NXN: variants seen among roughly 807,000 people sequenced by gnomAD.
NXN encodes nucleoredoxin.
NXN carries 16 observed loss-of-function variants against 48.6 expected under a neutral mutation model. The observed-to-expected ratio is 0.33, with a 90% CI of 0.22 to 0.50. The LOEUF (loss-of-function observed/expected upper bound fraction) is 0.50. Ranked by LOEUF, NXN falls within the 20% of genes least tolerant of loss-of-function variation. The pLI, the probability that NXN is intolerant of heterozygous loss-of-function variation, is 0.98. For synonymous variants in NXN, 281 were observed against 269.6 expected, an observed-to-expected ratio of 1.04 and a Z score of -0.41; for missense variants, 492 against 605.5, an observed-to-expected ratio of 0.81 and a Z score of 1.97.
intron 1 of NXN, among the ~76,000 whole-genome samples, chr17:839,249 A>G (rs532194766): frequency 6.6e-6 from 1 of 152,078 alleles, no homozygotes; most frequent in South Asian, 2.1e-4. Context: ...AGTGTGGCCA[A>G]CATGGTGAAA....
chr17:941,974 C>T (rs368789014), intron 1 of NXN, among the ~76,000 whole-genome samples: 11 of 43,098 alleles, frequency 2.6e-4, no homozygotes, highest in East Asian at 1.7e-3. Flanking sequence ...CCAAACACCT[C>T]CCTGGATTTC....
intron 1 of NXN, among the ~76,000 whole-genome samples, chr17:947,656 G>A (rs1390963370): frequency 6.8e-6 from 1 of 147,380 alleles, no homozygotes; most frequent in African/African-American, 2.5e-5. Flanking sequence ...CTGCTTGAAC[G>A]CAGGAGGCAG....
chr17:870,665 G>T (rs1018572808), intron 1 of NXN, among the ~76,000 whole-genome samples: 2 of 151,930 alleles, frequency 1.3e-5, no homozygotes, highest in Admixed American at 1.3e-4. Flanking sequence ...TGAGGTGGGA[G>T]GACTGGTTAA....
chr17:807,894 C>T (rs989926142), intron 5 of NXN, among the ~76,000 whole-genome samples: 5 of 152,224 alleles, frequency 3.3e-5, no homozygotes, highest in African/African-American at 7.2e-5. Flanking sequence ...GTGCTAGGCA[C>T]GGCACAGATG....
Position 800,546 on chromosome 17 carries a change from G to A in NXN, c.*403C>T, listed in dbSNP as rs539206825. 7 of 156,652 alleles carry A rather than the reference G, an allele frequency of 4.5e-5. No individual in the cohort carries two copies. The highest frequency in any genetic ancestry group is 3.7e-4 in the East Asian group (2 of 5,362). The allele number at this position is 156,652 out of a possible 1,614,324, so 9.7% of individuals were successfully genotyped here. A position where few individuals can be genotyped will look rare whatever the true frequency, so the allele number is the denominator to read the frequency against. On this transcript the variant is annotated 3_prime_UTR_variant, in exon 8 of 8. Coordinates refer to ENST00000336868, the MANE Select transcript of NXN (RefSeq NM_022463.5). Reference sequence around the variant, plus strand: ...CTCAGCCTCCACGCAGGTGTCACCCGGCGGTTCCCCTCTGGCCGTCCGGGG... The same window carrying A: ...CTCAGCCTCCACGCAGGTGTCACCCAGCGGTTCCCCTCTGGCCGTCCGGGG...
At chr17:886,831 T>A (rs2068353908) in intron 1 of NXN, among the ~76,000 whole-genome samples, 3 of 152,104 alleles carry the variant, frequency 2.0e-5, no homozygotes, top group African/African-American at 7.2e-5. Context: ...ATGGTTTGAA[T>A]TCCAACCTAA....
chr17:913,931 G>A (rs1189334984), intron 1 of NXN, among the ~76,000 whole-genome samples: 7 of 151,804 alleles, frequency 4.6e-5, no homozygotes, highest in South Asian at 2.1e-4. Context: ...ACAGAGTCTC[G>A]CCCTGTCGCC....
intron 1 of NXN, among the ~76,000 whole-genome samples, chr17:837,313 G>T (rs1420806973): frequency 6.6e-6 from 1 of 152,142 alleles, no homozygotes. Context: ...GCAGGACCTT[G>T]TCCTCATATC....
At position 813,826 on chromosome 17, in the gene NXN, C is replaced by T. The variant is rs151055992; in HGVS notation, c.820+5613G>A. 6.0e-3 allele frequency among the ~76,000 whole-genome samples: 916 copies of T among 151,926 alleles called. 12 individuals carry two copies. The highest frequency in any genetic ancestry group is 0.021 in the African/African-American group (853 of 41,446). On this transcript the variant is annotated intron_variant, in intron 5 of 7. Transcript: ENST00000336868. ...ACTAAAAATACAAAAATTAGCTGGG[C>T]GTAGTGGCAGGTGCCTATAATCCCA...
At chr17:905,270 T>TATATATATATACATAG (rs1488360942) in intron 1 of NXN, 1 of 149,384 alleles carries the variant, frequency 6.7e-6, no homozygotes, top group Non-Finnish European at 1.5e-5. Flanking sequence ...TATATATATA[T>TATATATATATACATAG]ATAGATGCCG....
chr17:805,391 A>G, intron 5 of NXN, 144 bp from the exon 6 acceptor site: 1 of 880,360 alleles, frequency 1.1e-6, no homozygotes, highest in Non-Finnish European at 1.7e-6. Flanking sequence ...TGAAGAGGCC[A>G]GGTCTAAAGT....
chr17:976,472 T>TA (rs1426799713), intron 1 of NXN, among the ~76,000 whole-genome samples: 1 of 152,212 alleles, frequency 6.6e-6, no homozygotes, highest in East Asian at 1.9e-4. Context: ...AATGAGAATT[T>TA]AAAAAAAATT....
At chr17:863,445 G>A (rs915590297) in intron 1 of NXN, among the ~76,000 whole-genome samples, 2 of 152,102 alleles carry the variant, frequency 1.3e-5, no homozygotes, top group Non-Finnish European at 2.9e-5. Context: ...GGGATTACAG[G>A]TGTGAGCCAC....
intron 1 of NXN, among the ~76,000 whole-genome samples, chr17:879,679 C>A (rs1284687479): frequency 1.3e-5 from 2 of 152,176 alleles, no homozygotes; most frequent in Admixed American, 1.3e-4. Flanking sequence ...GCGTCCAACA[C>A]AAAGGCCTCT....
intron 1 of NXN, among the ~76,000 whole-genome samples, chr17:948,145 T>A (rs2069066867): frequency 6.6e-6 from 1 of 152,134 alleles, no homozygotes; most frequent in South Asian, 2.1e-4. Context: ...AACGACTATT[T>A]ACATAGCAAT....
At chr17:916,923 G>C (rs1358000358) in intron 1 of NXN, among the ~76,000 whole-genome samples, 1 of 152,068 alleles carries the variant, frequency 6.6e-6, no homozygotes, top group African/African-American at 2.4e-5. Flanking sequence ...GCAACCAACA[G>C]GCCTCTAGGT....
In NXN at chr17:937,303, G is replaced by A. The variant is rs372063600; in HGVS notation, c.360+42016C>T. ...AAGGAGGGCAGGGGGCAAGGTGCAGGGCAAAAAAGAAGAGCCCAGGAGTCC... is the reference window on the plus strand; with the variant it reads ...AAGGAGGGCAGGGGGCAAGGTGCAGAGCAAAAAAGAAGAGCCCAGGAGTCC... On this transcript the variant is annotated intron_variant, in intron 1 of 7. Coordinates refer to ENST00000336868, the MANE Select transcript of NXN (RefSeq NM_022463.5). 1.2e-3 allele frequency among the ~76,000 whole-genome samples: 189 copies of A among 152,086 alleles called. 1 individual carries two copies. Among genetic ancestry groups the A allele is most frequent in the African/African-American group, 4.2e-3 (176 of 41,510 alleles).
At chr17:840,639 G>A (rs971058080) in intron 1 of NXN, among the ~76,000 whole-genome samples, 9 of 150,644 alleles carry the variant, frequency 6.0e-5, no homozygotes, top group Non-Finnish European at 8.9e-5. Context: ...GCGCCCGGCC[G>A]GCGTGCAGAC....
Position 799,746 on chromosome 17 carries a change from G to A in NXN, c.*1203C>T, listed in dbSNP as rs1353809262. The A allele has an allele frequency of 6.6e-6, 1 of 152,378 alleles. No homozygotes were observed. Among genetic ancestry groups the A allele is most frequent in the Admixed American group, 6.5e-5 (1 of 15,280 alleles). 9.4% of individuals were successfully genotyped at this position (152,378 alleles called of 1,614,324 possible). On this transcript the variant is annotated 3_prime_UTR_variant, in exon 8 of 8. Coordinates refer to ENST00000336868, the MANE Select transcript of NXN (RefSeq NM_022463.5). ...CGCCCTCCACCCTCACTCCATCCCG[G>A]GGCACAGCTCCTTCCGCTGGTGCTT... is the stretch of plus-strand genomic sequence containing the variant.
Sources: allele counts gnomAD v4.1 joint callset (sites outside exome capture counted in the v4.1 genomes callset), GRCh38; gene constraint gnomAD v4.1.1; transcripts MANE v1.5; gene names NCBI Gene and HGNC (gene_info 2026-07-23, HGNC 2026-07-21).